The following ARFGEF1 variants were observed in gnomAD, a reference collection of about 807,000 sequenced individuals.
ARFGEF1 encodes brefeldin A-inhibited guanine nucleotide-exchange protein 1.
ARFGEF1 carries 42 observed loss-of-function variants against 231.0 expected under a neutral mutation model. The ratio of observed to expected loss-of-function variants is 0.18; its 90% CI spans 0.14 to 0.24. ARFGEF1 has a LOEUF of 0.24. ARFGEF1 is among the 10% of genes least tolerant of loss of function. The probability of loss-of-function intolerance (pLI) is 1.00; values close to 1 mark genes in which losing one functional copy is unlikely to be tolerated. For missense variants in ARFGEF1, 1,345 were observed against 2,192.0 expected (o/e 0.61, Z 7.72); for synonymous variants, 710 against 732.3 (o/e 0.97, Z 0.49).
chr8:67,222,220 T>TATATACACACACAC (rs1554636849), intron 29 of ARFGEF1, among the ~76,000 whole-genome samples: 1 of 120,820 alleles, frequency 8.3e-6, no homozygotes, highest in Non-Finnish European at 1.7e-5. Flanking sequence ...CACATATATA[T>TATATACACACACAC]ATATGTATAT....
At chr8:67,328,472 GATT>G (rs1210441984) in intron 1 of ARFGEF1, among the ~76,000 whole-genome samples, 32 of 150,646 alleles carry the variant, frequency 2.1e-4, no homozygotes, top group African/African-American at 5.9e-4. Flanking sequence ...GCATCTCTCT[GATT>G]ATTGTTTTGC....
chr8:67,183,628 TTTGTAGG>T (rs1324347562), intron 5 of ARFGEF1, among the ~76,000 whole-genome samples: 1 of 152,120 alleles, frequency 6.6e-6, no homozygotes, highest in Non-Finnish European at 1.5e-5. Context: ...AACTTCTCAA[TTTGTAGG>T]AGGTAGCAGA....
At position 67,291,835 on chromosome 8, in the gene ARFGEF1, CAAG is replaced by C. The variant is rs758130448; in HGVS notation, c.916+9_916+11del. ...TAACACACACCCCAAACCCCCTTTT[CAAG>C]AAGATTACTTTCAGCTGCAGTTGCC... On this transcript the variant is annotated intron_variant, in intron 6 of 38. Transcript: ENST00000262215. The C allele has an allele frequency of 9.9e-5, 159 of 1,610,504 alleles. 1 individual carries two copies. The highest frequency in any genetic ancestry group is 1.2e-4 in the Non-Finnish European group (144 of 1,177,840).
chr8:67,218,513 G>A (rs1382801051), intron 30 of ARFGEF1, among the ~76,000 whole-genome samples: 1 of 151,728 alleles, frequency 6.6e-6, no homozygotes, highest in African/African-American at 2.4e-5. Flanking sequence ...GAACATGAAA[G>A]GGAAATAAAG....
intron 1 of ARFGEF1, among the ~76,000 whole-genome samples, chr8:67,307,813 T>C (rs993545064): frequency 6.6e-6 from 1 of 152,208 alleles, no homozygotes; most frequent in African/African-American, 2.4e-5. Context: ...GGAGATATTC[T>C]AACTCCCCTC....
chr8:67,296,954 A>T (rs1018371099), intron 4 of ARFGEF1, among the ~76,000 whole-genome samples: 6 of 152,144 alleles, frequency 3.9e-5, no homozygotes, highest in Non-Finnish European at 7.4e-5. Flanking sequence ...ACCCAGCCTT[A>T]AAGTGATTTT....
At chr8:67,195,419 G>GAAAC (rs776145236), downstream of ARFGEF1, 3 of 1,614,164 alleles carry the variant, frequency 1.9e-6, no homozygotes, top group African/African-American at 1.3e-5. Context: ...ATGACATCAT[G>GAAAC]AAACACATAG....
chr8:67,320,754 C>G (rs1157834208), intron 1 of ARFGEF1, among the ~76,000 whole-genome samples: 1 of 151,552 alleles, frequency 6.6e-6, no homozygotes, highest in Non-Finnish European at 1.5e-5. Context: ...GTCAGGAGCT[C>G]GAGGCCAGGT....
At chr8:67,219,622 G>GC in intron 29 of ARFGEF1, 62 bp from the exon 30 acceptor site, 1 of 1,483,464 alleles carries the variant, frequency 6.7e-7, no homozygotes, top group Non-Finnish European at 9.1e-7. Context: ...TCCTAAAATA[G>GC]TTTTTAGAGT....
intron 38 of ARFGEF1, chr8:67,200,118 T>C: frequency 2.4e-6 from 1 of 424,584 alleles, no homozygotes; most frequent in Non-Finnish European, 4.6e-6. Context: ...CCTGGGGTCA[T>C]AATGGGAACT....
intron 34 of ARFGEF1, among the ~76,000 whole-genome samples, chr8:67,206,208 G>A (rs1422840225): frequency 2.6e-5 from 4 of 152,000 alleles, no homozygotes; most frequent in Non-Finnish European, 5.9e-5. Context: ...TCAGGAGTTC[G>A]AGACCAGGTT....
chr8:67,208,284 G>C (rs1255016201), intron 34 of ARFGEF1, among the ~76,000 whole-genome samples: 2 of 152,050 alleles, frequency 1.3e-5, no homozygotes, highest in East Asian at 3.8e-4. Context: ...AAAATTCCCT[G>C]AAAAAAATTA....
chr8:67,334,284 CA>C (rs35170687), intron 1 of ARFGEF1, among the ~76,000 whole-genome samples: 37,254 of 104,692 alleles, frequency 0.36, 3,695 homozygotes, highest in East Asian at 0.42. Flanking sequence ...TTCCAAAGTC[CA>C]AAAAAAAAAA....
intron 7 of ARFGEF1, among the ~76,000 whole-genome samples, chr8:67,278,252 G>A (rs1251316978): frequency 6.6e-6 from 1 of 152,102 alleles, no homozygotes; most frequent in African/African-American, 2.4e-5. Context: ...AAATATTAAA[G>A]ACCTGTGTTT....
At chr8:67,264,291 C>A (rs777999469) in intron 14 of ARFGEF1, among the ~76,000 whole-genome samples, 4 of 151,738 alleles carry the variant, frequency 2.6e-5, no homozygotes, top group East Asian at 1.9e-4. Context: ...GGTGGGAGAT[C>A]GAGAAAAGAG....
At chr8:67,202,571 T>C (rs147975039) in intron 36 of ARFGEF1, among the ~76,000 whole-genome samples, 2 of 152,308 alleles carry the variant, frequency 1.3e-5, no homozygotes, top group Admixed American at 1.3e-4. Flanking sequence ...ATTTTTTAAA[T>C]TAAAAAATTA....
chr8:67,206,622 T>C (rs1018526058), intron 34 of ARFGEF1, among the ~76,000 whole-genome samples: 3 of 152,170 alleles, frequency 2.0e-5, no homozygotes, highest in Admixed American at 2.0e-4. Context: ...TGTCTGACCA[T>C]GCCAGCTAAG....
chr8:67,267,463 C>T (rs769871985), intron 10 of ARFGEF1, 21 bp from the exon 11 acceptor site: 2 of 1,446,898 alleles, frequency 1.4e-6, no homozygotes, highest in South Asian at 2.4e-5. Context: ...GAGAAAACTT[C>T]TGTTTAAAAT....
At chr8:67,244,133 T>G (rs1840018904) in intron 19 of ARFGEF1, among the ~76,000 whole-genome samples, 1 of 149,362 alleles carries the variant, frequency 6.7e-6, no homozygotes, top group African/African-American at 2.5e-5. Flanking sequence ...TCCAAGCTAC[T>G]CAGGAGGCTG....
Sources: allele counts gnomAD v4.1 joint callset (sites outside exome capture counted in the v4.1 genomes callset), GRCh38; gene constraint gnomAD v4.1.1; transcripts MANE v1.5; gene names NCBI Gene and HGNC (gene_info 2026-07-23, HGNC 2026-07-21).